The following NAA15 variants were observed in gnomAD, a reference collection of about 807,000 sequenced individuals.
NAA15 encodes the protein N-terminal acetyltransferase.
NAA15 carries 34 observed loss-of-function variants against 114.0 expected under a neutral mutation model. The observed-to-expected ratio is 0.30, with a 90% CI of 0.23 to 0.40. The LOEUF (loss-of-function observed/expected upper bound fraction) is 0.40. Ranked by LOEUF, NAA15 falls within the 10% of genes least tolerant of loss-of-function variation. The probability of loss-of-function intolerance (pLI) is 1.00; values close to 1 mark genes in which losing one functional copy is unlikely to be tolerated. For synonymous variants in NAA15, 340 were observed against 338.0 expected, an observed-to-expected ratio of 1.01 and a Z score of -0.06; for missense variants, 658 against 1,004.5, an observed-to-expected ratio of 0.66 and a Z score of 4.66.
chr4:139,350,688 G>A lies in NAA15; in HGVS notation c.812-503G>A, dbSNP rs576794749. Among the ~76,000 whole-genome samples the A allele has an allele frequency of 5.8e-4, 88 of 152,312 alleles. 1 individual carries two copies. The highest frequency in any genetic ancestry group is 9.1e-4 in the Non-Finnish European group (62 of 68,038). On this transcript the variant is annotated intron_variant, in intron 7 of 19. Transcript: ENST00000296543. ...CCAGCAAGGAATGGTAATCACCACTGTCTGCAAAAGGAAGAGTAGAGATGA... is the reference window on the plus strand; with the variant it reads ...CCAGCAAGGAATGGTAATCACCACTATCTGCAAAAGGAAGAGTAGAGATGA...
intron 14 of NAA15, among the ~76,000 whole-genome samples, chr4:139,368,670 G>C (rs1748350493): frequency 6.6e-6 from 1 of 151,962 alleles, no homozygotes; most frequent in Non-Finnish European, 1.5e-5. Context: ...TATAGTACAT[G>C]TTACTCCTTA....
intron 1 of NAA15, among the ~76,000 whole-genome samples, chr4:139,303,098 A>G (rs761540901): frequency 3.3e-5 from 5 of 152,268 alleles, no homozygotes; most frequent in African/African-American, 4.8e-5. Context: ...TGATTTTACA[A>G]AAGTGTCCAT....
rs963677762 is a variant in NAA15 at position 139,373,996 on chromosome 4, C to T, written c.1948-2369C>T. ...CTGGGATTACAGGTGTGAGCCACCGCGCCCAGCCTAGCATTTTTTTTCCTG... is the reference window on the plus strand; with the variant it reads ...CTGGGATTACAGGTGTGAGCCACCGTGCCCAGCCTAGCATTTTTTTTCCTG... On this transcript the variant is annotated intron_variant, in intron 15 of 19. Transcript: ENST00000296543. 2.0e-5 allele frequency among the ~76,000 whole-genome samples: 3 copies of T among 152,120 alleles called. 1 individual carries two copies. The highest frequency in any genetic ancestry group is 1.3e-4 in the Admixed American group (2 of 15,266).
At position 139,314,998 on chromosome 4, in the gene NAA15, C is replaced by CAGTTCAGTTTAGTTTAGTTT. The variant is rs1553992502; in HGVS notation, c.54+13171_54+13172insCAGTTTAGTTTAGTTTAGTT. On this transcript the variant is annotated intron_variant, in intron 1 of 19. Transcript: ENST00000296543. ...GCCTAGAGAAGCGTTCAGTTCAGTTCAGTTTAGTTTAGGTTAGGTTAGGTT... is the reference window on the plus strand; with the variant it reads ...GCCTAGAGAAGCGTTCAGTTCAGTTCAGTTCAGTTTAGTTTAGTTTAGTTTAGTTTAGGTTAGGTTAGGTT... Among the ~76,000 whole-genome samples, 52 of 66,682 alleles carry CAGTTCAGTTTAGTTTAGTTT rather than the reference C, an allele frequency of 7.8e-4. 4 individuals are homozygous for CAGTTCAGTTTAGTTTAGTTT. Among genetic ancestry groups the CAGTTCAGTTTAGTTTAGTTT allele is most frequent in the African/African-American group, 1.5e-3 (19 of 12,622 alleles). The allele number at this position is 66,682 out of a possible 152,430, so 43.7% of individuals were successfully genotyped here. A position where few individuals can be genotyped will look rare whatever the true frequency, so the allele number is the denominator to read the frequency against.
intron 14 of NAA15, among the ~76,000 whole-genome samples, chr4:139,363,692 G>A (rs184130198): frequency 4.6e-5 from 7 of 152,260 alleles, no homozygotes; most frequent in Non-Finnish European, 8.8e-5. Flanking sequence ...ATTATTAGAA[G>A]TGGAAATCGG....
rs942579674 is a variant in NAA15 at position 139,314,592 on chromosome 4, T to C, written c.54+12761T>C. Among the ~76,000 whole-genome samples the C allele has an allele frequency of 4.7e-4, 72 of 152,022 alleles. 2 individuals carry two copies. The highest frequency in any genetic ancestry group is 1.2e-4 in the Non-Finnish European group (8 of 67,980). On this transcript the variant is annotated intron_variant, in intron 1 of 19. Transcript: ENST00000296543. ...CTAGTCTTGCATCTAATACCTGAGA[T>C]AGTGCCACATTCTTTGCCGTCTTAG... is the stretch of plus-strand genomic sequence containing the variant.
intron 1 of NAA15, chr4:139,318,365 T>A (rs186444016): frequency 1.6e-4 from 24 of 152,338 alleles, no homozygotes; most frequent in African/African-American, 5.3e-4. Context: ...CCTATTAGTT[T>A]TTTAAATATA....
At chr4:139,315,001 T>TTCAGGTGAGG (rs1181192026) in intron 1 of NAA15, among the ~76,000 whole-genome samples, 1 of 74,356 alleles carries the variant, frequency 1.3e-5, no homozygotes, top group Non-Finnish European at 2.5e-5. Flanking sequence ...TTCAGTTCAG[T>TTCAGGTGAGG]TTAGTTTAGG....
intron 1 of NAA15, among the ~76,000 whole-genome samples, chr4:139,329,113 C>T (rs569452708): frequency 6.7e-6 from 1 of 148,694 alleles, no homozygotes; most frequent in Non-Finnish European, 1.5e-5. Flanking sequence ...AACTCCTGGT[C>T]TCAAGTGATC....
intron 1 of NAA15, among the ~76,000 whole-genome samples, chr4:139,313,462 A>G (rs1435069864): frequency 6.6e-6 from 1 of 151,838 alleles, no homozygotes; most frequent in Non-Finnish European, 1.5e-5. Flanking sequence ...ATGTTAGCTG[A>G]TATAAACTTT....
At chr4:139,359,713 C>A in intron 11 of NAA15, 30 bp from the exon 12 acceptor site, 1 of 1,573,658 alleles carries the variant, frequency 6.4e-7, no homozygotes, top group Non-Finnish European at 8.6e-7. Flanking sequence ...AGCATGCTAA[C>A]TGGTTTATTT....
At chr4:139,330,247 T>G (rs1397572691) in intron 1 of NAA15, among the ~76,000 whole-genome samples, 1 of 152,234 alleles carries the variant, frequency 6.6e-6, no homozygotes, top group Non-Finnish European at 1.5e-5. Flanking sequence ...ATTATGTTAG[T>G]CTTTACATCA....
At position 139,341,067 on chromosome 4, in the gene NAA15, AG is replaced by A. The variant is rs1747368030; in HGVS notation, c.402+1del. On this transcript the variant is annotated frameshift_variant and splice_region_variant, in exon 4 of 20. Coordinates refer to ENST00000296543, the MANE Select transcript of NAA15 (RefSeq NM_057175.5). LOFTEE classifies it high-confidence loss of function. ...QIQMRDLEGY[R>X]ETRYQLLQLR... ...TCAAATGCGAGATCTTGAGGGTTAC[AG>A]GGTAAGTAAAATAGAGACTTTTTTT... is the stretch of plus-strand genomic sequence containing the variant. 6.5e-7 allele frequency: 1 copy of A among 1,542,820 alleles called. No individual in the cohort carries two copies. Among genetic ancestry groups the A allele is most frequent in the African/African-American group, 1.4e-5 (1 of 71,620 alleles).
At position 139,386,249 on chromosome 4, in the gene NAA15, T is replaced by C. The variant is rs1320541433; in HGVS notation, c.2400+19T>C. Reference sequence around the variant, plus strand: ...CCTCCAGGTAAAGAGTTTTTCATAATCTCTCTGTAAGAATACTTAACTACT... The same window carrying C: ...CCTCCAGGTAAAGAGTTTTTCATAACCTCTCTGTAAGAATACTTAACTACT... On this transcript the variant is annotated intron_variant, in intron 19 of 19. Coordinates refer to ENST00000296543, the MANE Select transcript of NAA15 (RefSeq NM_057175.5). 1.4e-6 allele frequency: 2 copies of C among 1,411,406 alleles called. No homozygotes were observed. Among genetic ancestry groups the C allele is most frequent in the Admixed American group, 1.8e-5 (1 of 56,348 alleles). The allele number at this position is 1,411,406 out of a possible 1,614,324, so 87.4% of individuals were successfully genotyped here.
At position 139,315,051 on chromosome 4, in the gene NAA15, G is replaced by GTTAGGTTAGGTTAGGTTAGT. The variant is rs1553992557; in HGVS notation, c.54+13224_54+13225insGTTAGGTTAGGTTAGTTTAG. 1.5e-3 allele frequency among the ~76,000 whole-genome samples: 164 copies of GTTAGGTTAGGTTAGGTTAGT among 112,434 alleles called. 3 individuals carry two copies. Among genetic ancestry groups the GTTAGGTTAGGTTAGGTTAGT allele is most frequent in the South Asian group, 4.5e-3 (17 of 3,762 alleles). 73.8% of individuals were successfully genotyped at this position (112,434 alleles called of 152,430 possible). A position where few individuals can be genotyped will look rare whatever the true frequency, so the allele number is the denominator to read the frequency against. ...GTTAGGTTAGGTTAGGTTAGGTTAG[G>GTTAGGTTAGGTTAGGTTAGT]TTAGTTTAGTTTAGTTTAGTTTAGT... On this transcript the variant is annotated intron_variant, in intron 1 of 19. Transcript: ENST00000296543.
intron 15 of NAA15, 137 bp from the exon 16 acceptor site, chr4:139,376,228 A>G (rs914831069): frequency 5.2e-6 from 3 of 582,058 alleles, no homozygotes; most frequent in Non-Finnish European, 8.9e-6. Context: ...AGGTTATAGG[A>G]GGTTAAAATA....
At chr4:139,321,705 G>T (rs1190590353) in intron 1 of NAA15, among the ~76,000 whole-genome samples, 1 of 143,172 alleles carries the variant, frequency 7.0e-6, no homozygotes, top group African/African-American at 2.6e-5. Flanking sequence ...GGATGGTCTC[G>T]ATCTCCTGAC....
rs1747769796 is a variant in NAA15, at chr4:139,351,269, C to T, written c.890C>T (p.Pro297Leu). 3.1e-6 allele frequency: 5 copies of T among 1,605,218 alleles called. No homozygotes were observed. Among genetic ancestry groups the T allele is most frequent in the Admixed American group, 1.7e-5 (1 of 59,610 alleles). Residue 297 changes from proline (P) to leucine (L), a missense_variant, in exon 8 of 20, where the codon CCG (proline) becomes CTG (leucine). Physicochemically the swap from Pro to Leu is moderately conservative, Grantham distance 98. This residue lies in a region of NAA15 where 281 missense variants were observed against 389.1 expected (regional missense o/e 0.72). Coordinates refer to ENST00000296543, the MANE Select transcript of NAA15 (RefSeq NM_057175.5). ...YPRGLVPRRL[P>L]LNFLSGEKFK... Reference sequence around the variant, plus strand: ...AGGGGACTGGTGCCAAGAAGGCTGCCGTTAAACTTTTTATCTGGTAAGTGA... The same window carrying T: ...AGGGGACTGGTGCCAAGAAGGCTGCTGTTAAACTTTTTATCTGGTAAGTGA...
intron 10 of NAA15, among the ~76,000 whole-genome samples, chr4:139,355,567 T>A (rs1481818689): frequency 1.3e-5 from 2 of 152,154 alleles, no homozygotes; most frequent in Non-Finnish European, 2.9e-5. Flanking sequence ...ATTAAAATTT[T>A]AAAAAATTAA....
Sources: allele counts gnomAD v4.1 joint callset (sites outside exome capture counted in the v4.1 genomes callset), GRCh38; gene constraint gnomAD v4.1.1; regional missense constraint gnomAD v4.1.1; transcripts MANE v1.5; gene names NCBI Gene and HGNC (gene_info 2026-07-23, HGNC 2026-07-21).